RILPL1: variants seen among roughly 807,000 people sequenced by gnomAD.
RILPL1 encodes the protein Rab interacting lysosomal protein like 1.
In RILPL1, 33 loss-of-function variants were observed where a neutral mutation model predicts 50.3. The ratio of observed to expected loss-of-function variants is 0.66; its 90% CI spans 0.50 to 0.88. The LOEUF (loss-of-function observed/expected upper bound fraction) is 0.88, where lower values mean the gene tolerates loss of function less well. Ranked by LOEUF, RILPL1 falls within the 40% of genes least tolerant of loss-of-function variation. The pLI, the probability that RILPL1 is intolerant of heterozygous loss-of-function variation, is 0.00. For synonymous variants in RILPL1, 205 were observed against 228.6 expected, an observed-to-expected ratio of 0.90 and a Z score of 0.93; for missense variants, 418 against 542.5, an observed-to-expected ratio of 0.77 and a Z score of 2.28.
chr12:123,513,851 G>A (rs1015858497), intron 2 of RILPL1: 1 of 152,156 alleles, frequency 6.6e-6, no homozygotes, highest in Non-Finnish European at 1.5e-5. Flanking sequence ...CTTGGGCAGG[G>A]GCACCATGGA....
intron 6 of RILPL1, chr12:123,474,913 C>G (rs1346936622): frequency 6.6e-6 from 1 of 152,244 alleles, no homozygotes; most frequent in Non-Finnish European, 1.5e-5. Flanking sequence ...GGATCCTACA[C>G]TCACTTTCTA....
At chr12:123,519,056 CAAAAAA>C (rs71652717) in intron 2 of RILPL1, among the ~76,000 whole-genome samples, 1 of 58,464 alleles carries the variant, frequency 1.7e-5, no homozygotes. Context: ...GACTCCATCT[CAAAAAA>C]AAAAAAAAAA....
At chr12:123,483,271 T>C (rs993916276) in intron 6 of RILPL1, among the ~76,000 whole-genome samples, 1 of 152,260 alleles carries the variant, frequency 6.6e-6, no homozygotes, top group African/African-American at 2.4e-5. Flanking sequence ...GTGTGGGCTC[T>C]GGGGCCAGGC....
chr12:123,476,326 T>A (rs373196167), intron 6 of RILPL1, among the ~76,000 whole-genome samples: 3 of 141,170 alleles, frequency 2.1e-5, no homozygotes, highest in Admixed American at 7.3e-5. Context: ...CTGTAATCCC[T>A]GCTACTAGGG....
At chr12:123,514,422 T>C (rs1436799260) in intron 2 of RILPL1, 1 of 149,180 alleles carries the variant, frequency 6.7e-6, no homozygotes, top group African/African-American at 2.4e-5. Flanking sequence ...AACACTGTCA[T>C]GATTTTAAAA....
At chr12:123,511,003 GGT>G (rs1884112962) in intron 2 of RILPL1, among the ~76,000 whole-genome samples, 1 of 144,480 alleles carries the variant, frequency 6.9e-6, no homozygotes, top group African/African-American at 2.6e-5. Flanking sequence ...CTGTGTGTGT[GGT>G]GTGTGCAGTG....
intron 2 of RILPL1, among the ~76,000 whole-genome samples, chr12:123,503,005 AG>A (rs1883495736): frequency 6.6e-6 from 1 of 151,178 alleles, no homozygotes; most frequent in Non-Finnish European, 1.5e-5. Flanking sequence ...CTCCTGCCTC[AG>A]CCTCCCAAGT....
intron 1 of RILPL1, among the ~76,000 whole-genome samples, chr12:123,531,540 A>G (rs1345780775): frequency 1.3e-5 from 2 of 151,964 alleles, no homozygotes; most frequent in Non-Finnish European, 2.9e-5. Flanking sequence ...GGAGGCCTCT[A>G]GGGTAGGAGT....
intron 4 of RILPL1, among the ~76,000 whole-genome samples, chr12:123,488,940 C>T (rs1262780557): frequency 6.6e-6 from 1 of 152,176 alleles, no homozygotes; most frequent in African/African-American, 2.4e-5. Flanking sequence ...CAGAGGACAT[C>T]TTCAATGTCC....
chr12:123,513,847 C>G (rs993596181), intron 2 of RILPL1: 4 of 152,112 alleles, frequency 2.6e-5, no homozygotes, highest in African/African-American at 9.7e-5. Context: ...GACACTTGGG[C>G]AGGGGCACCA....
rs140828332 is a variant in RILPL1, at chr12:123,504,340, T to C, written c.461-4804A>G. ...ATGACTTTCCCCCCCGGGTGCGCCA[T>C]TGCATCAGAGTCCTTGCCGCTGACC... is the stretch of plus-strand genomic sequence containing the variant. On this transcript the variant is annotated intron_variant, in intron 2 of 6. Transcript: ENST00000376874. Among the ~76,000 whole-genome samples, 120 of 151,884 alleles carry C rather than the reference T, an allele frequency of 7.9e-4. 3 individuals carry two copies. In the East Asian group the frequency reaches 0.022, roughly 28 times the overall value.
Position 123,520,540 on chromosome 12 carries a change from C to T in RILPL1, c.460+2955G>A, listed in dbSNP as rs140570599. Among the ~76,000 whole-genome samples, 11 of 152,260 alleles carry T rather than the reference C, an allele frequency of 7.2e-5. No homozygotes were observed. In the East Asian group the frequency reaches 9.6e-4, roughly 13 times the overall value. Reference sequence around the variant, plus strand: ...CGCCACTGCATTACAGCCTGGTCGACGGAGTGAGACTCCGTCTCAAAACAA... The same window carrying T: ...CGCCACTGCATTACAGCCTGGTCGATGGAGTGAGACTCCGTCTCAAAACAA... On this transcript the variant is annotated intron_variant, in intron 2 of 6. Coordinates refer to ENST00000376874, the MANE Select transcript of RILPL1 (RefSeq NM_178314.5).
rs923543877 is a variant in RILPL1 at position 123,470,748 on chromosome 12, T to C, written c.*1790A>G. ...GCAGTGAGCAGAGATGGTGCCACTATACTTTGGCTTGGGCAATAGAGCAAG... is the reference window on the plus strand; with the variant it reads ...GCAGTGAGCAGAGATGGTGCCACTACACTTTGGCTTGGGCAATAGAGCAAG... On this transcript the variant is annotated 3_prime_UTR_variant, in exon 7 of 7. Transcript: ENST00000376874. The C allele has an allele frequency of 3.9e-5, 6 of 152,174 alleles. No individual in the cohort carries two copies. Among genetic ancestry groups the C allele is most frequent in the Admixed American group, 1.3e-4 (2 of 15,250 alleles). The allele number at this position is 152,174 out of a possible 1,614,324, so 9.4% of individuals were successfully genotyped here. A position where few individuals can be genotyped will look rare whatever the true frequency, so the allele number is the denominator to read the frequency against.
chr12:123,511,076 T>C (rs1303614226), intron 2 of RILPL1, among the ~76,000 whole-genome samples: 1 of 135,062 alleles, frequency 7.4e-6, no homozygotes, highest in East Asian at 2.4e-4. Flanking sequence ...TGTGTGTGTG[T>C]GAGGTCTGTG....
chr12:123,519,100 C>T (rs1481462200), intron 2 of RILPL1, among the ~76,000 whole-genome samples: 3 of 149,044 alleles, frequency 2.0e-5, no homozygotes, highest in Non-Finnish European at 4.5e-5. Flanking sequence ...ATTACTTCAT[C>T]TGTTTTACTT....
intron 2 of RILPL1, among the ~76,000 whole-genome samples, chr12:123,507,680 G>A (rs531707255): frequency 2.6e-5 from 4 of 152,120 alleles, no homozygotes; most frequent in Admixed American, 6.5e-5. Context: ...GGTGGCTCAC[G>A]CCTGTAATCC....
intron 4 of RILPL1, among the ~76,000 whole-genome samples, chr12:123,497,727 T>C (rs1883116395): frequency 6.6e-6 from 1 of 152,024 alleles, no homozygotes; most frequent in African/African-American, 2.4e-5. Flanking sequence ...GAATTTTTTG[T>C]AGAGATAGGA....
chr12:123,521,645 ATATATACACATATATG>A (rs1885044774), intron 2 of RILPL1, among the ~76,000 whole-genome samples: 6 of 26,098 alleles, frequency 2.3e-4, no homozygotes, highest in Admixed American at 6.4e-4. Flanking sequence ...ATATGTGTAT[ATATATACACATATATG>A]TATATATATA....
At chr12:123,495,096 G>C (rs934435979) in intron 4 of RILPL1, among the ~76,000 whole-genome samples, 2 of 152,120 alleles carry the variant, frequency 1.3e-5, no homozygotes, top group Non-Finnish European at 2.9e-5. Context: ...TAGTTGTTTC[G>C]GTGATAGGCC....
Sources: allele counts gnomAD v4.1 joint callset (sites outside exome capture counted in the v4.1 genomes callset), GRCh38; gene constraint gnomAD v4.1.1; transcripts MANE v1.5; gene names NCBI Gene and HGNC (gene_info 2026-07-23, HGNC 2026-07-21).